Variants in ADCY7 observed in about 807,000 individuals in gnomAD.
ADCY7 encodes adenylate cyclase type 7.
A neutral mutation model predicts 120.6 loss-of-function variants in ADCY7; 72 were observed. The observed-to-expected ratio is 0.60, with a 90% CI of 0.49 to 0.73. The LOEUF (loss-of-function observed/expected upper bound fraction) is 0.73, where lower values mean the gene tolerates loss of function less well. Among genes scored for constraint, ADCY7 ranks in the 30% least tolerant of loss-of-function variants. The pLI is 0.00. For synonymous variants in ADCY7, 661 were observed against 628.0 expected, an observed-to-expected ratio of 1.05 and a Z score of -0.78; for missense variants, 1,227 against 1,486.0, an observed-to-expected ratio of 0.83 and a Z score of 2.87.
rs1234658835 is a variant in ADCY7 at position 50,300,574 on chromosome 16, A to G, written c.1077-141A>G. 1.1e-5 allele frequency: 11 copies of G among 1,021,600 alleles called. No individual in the cohort carries two copies. The East Asian group carries it at 2.9e-4, about 27-fold the overall frequency. 63.3% of individuals were successfully genotyped at this position (1,021,600 alleles called of 1,614,324 possible). On this transcript the variant is annotated intron_variant, in intron 8 of 25. Coordinates refer to ENST00000673801, the MANE Select transcript of ADCY7 (RefSeq NM_001114.5). Reference sequence around the variant, plus strand: ...CAGCTCTTCCTGAAGAGGCAGCCCCATCAGGCTGAGAACATTCTCTCCCGT... The same window carrying G: ...CAGCTCTTCCTGAAGAGGCAGCCCCGTCAGGCTGAGAACATTCTCTCCCGT...
Position 50,317,939 on chromosome 16 carries a change from CT to C in ADCY7, c.*2435del, listed in dbSNP as rs1472258426. Reference sequence around the variant, plus strand: ...AAACAGAAGAGAAGATCATTAACCACTGTATACTTTGTGTATATAATAGGTC... The same window carrying C: ...AAACAGAAGAGAAGATCATTAACCACGTATACTTTGTGTATATAATAGGTC... On this transcript the variant is annotated 3_prime_UTR_variant, in exon 26 of 26. Transcript: ENST00000673801. 2 of 152,268 alleles carry C rather than the reference CT, an allele frequency of 1.3e-5. No individual in the cohort carries two copies. The highest frequency in any genetic ancestry group is 3.7e-4 in the East Asian group (2 of 5,336). 9.4% of individuals were successfully genotyped at this position (152,268 alleles called of 1,614,324 possible).
chr16:50,264,042 T>C (rs1021921621), upstream of ADCY7, among the ~76,000 whole-genome samples: 3 of 152,134 alleles, frequency 2.0e-5, no homozygotes, highest in African/African-American at 7.2e-5. Context: ...GTAATGAGTG[T>C]ACTTAGGCAC....
intron 10 of ADCY7, among the ~76,000 whole-genome samples, chr16:50,303,023 G>A (rs2035834161): frequency 6.6e-6 from 1 of 152,246 alleles, no homozygotes; most frequent in Non-Finnish European, 1.5e-5. Context: ...CCCATTCCGA[G>A]TAGGCATGTG....
At chr16:50,270,599 G>A (rs1344503535) in intron 1 of ADCY7, among the ~76,000 whole-genome samples, 1 of 152,208 alleles carries the variant, frequency 6.6e-6, no homozygotes, top group Non-Finnish European at 1.5e-5. Context: ...GGTGTCGTGA[G>A]GCTCTCGTCT....
rs150230499 is a variant in ADCY7, at chr16:50,306,165, G to A, written c.1752+316G>A. Among the ~76,000 whole-genome samples, 728 of 152,310 alleles carry A rather than the reference G, an allele frequency of 4.8e-3. 9 individuals are homozygous for A. The highest frequency in any genetic ancestry group is 0.016 in the African/African-American group (685 of 41,552). ...ATGGATGCCTCAGGCTGATGGCACC[G>A]GCCTTGCAATGAGACGAGAACCCAA... On this transcript the variant is annotated intron_variant, in intron 14 of 25. Coordinates refer to ENST00000673801, the MANE Select transcript of ADCY7 (RefSeq NM_001114.5).
intron 1 of ADCY7, among the ~76,000 whole-genome samples, chr16:50,281,135 C>A (rs2034236054): frequency 6.6e-6 from 1 of 152,226 alleles, no homozygotes; most frequent in Non-Finnish European, 1.5e-5. Flanking sequence ...TCTGACCCTG[C>A]AGGGCTTCCT....
At chr16:50,267,169 G>A (rs1199288616) in intron 1 of ADCY7, among the ~76,000 whole-genome samples, 1 of 152,230 alleles carries the variant, frequency 6.6e-6, no homozygotes, top group Admixed American at 6.5e-5. Flanking sequence ...AGGAAACCAA[G>A]ATGCCTCCAA....
chr16:50,254,099 G>T lies in ADCY7; in HGVS notation c.-64+7896G>T, dbSNP rs2032841356. 2.0e-5 allele frequency among the ~76,000 whole-genome samples: 3 copies of T among 152,268 alleles called. No homozygotes were observed. The South Asian group carries it at 6.2e-4, about 32-fold the overall frequency. On this transcript the variant is annotated intron_variant, in intron 1 of 4. Coordinates refer to the ADCY7 transcript ENST00000564044. ...CCACATGATCCTCATCTGTAGGAAG[G>T]GGCTAAAAACGACCCCTTCGCTGTG...
Position 50,288,305 on chromosome 16 carries a change from C to T in ADCY7, c.126C>T (p.Ala42=), listed in dbSNP as rs144769944. ...TGCTGCTCACGCTCCTGCTGGTGGCCGCCACTGCCTGCGTGGCCCTCATCA... is the reference window on the plus strand; with the variant it reads ...TGCTGCTCACGCTCCTGCTGGTGGCTGCCACTGCCTGCGTGGCCCTCATCA... ...GPLLLTLLLV[A]ATACVALIII... is the part of the protein sequence containing the mutation. Residue 42 remains alanine, a synonymous_variant, in exon 2 of 26, where the codon GCC becomes GCT. Coordinates refer to ENST00000673801, the MANE Select transcript of ADCY7 (RefSeq NM_001114.5). The T allele has an allele frequency of 3.6e-5, 56 of 1,550,868 alleles. No homozygotes were observed. The highest frequency in any genetic ancestry group is 8.2e-5 in the African/African-American group (6 of 73,172).
chr16:50,308,558 T>C, intron 16 of ADCY7, 109 bp from the exon 17 acceptor site: 1 of 1,549,194 alleles, frequency 6.5e-7, no homozygotes, highest in Middle Eastern at 2.3e-4. Flanking sequence ...GACAATTTCC[T>C]GAGTGCCCTG....
chr16:50,266,063 G>A (rs987078643), upstream of ADCY7, among the ~76,000 whole-genome samples: 2 of 152,214 alleles, frequency 1.3e-5, no homozygotes, highest in African/African-American at 4.8e-5. Flanking sequence ...AGGTGAGATG[G>A]AGAGGCAGTG....
At chr16:50,280,419 G>GT (rs1315394524) in intron 1 of ADCY7, among the ~76,000 whole-genome samples, 1 of 149,594 alleles carries the variant, frequency 6.7e-6, no homozygotes, top group Non-Finnish European at 1.5e-5. Flanking sequence ...CTTTTGAATG[G>GT]TTTTTTGTGT....
At chr16:50,255,731 C>T (rs560958850) in intron 1 of ADCY7, among the ~76,000 whole-genome samples, 2 of 152,252 alleles carry the variant, frequency 1.3e-5, no homozygotes, top group East Asian at 3.9e-4. Context: ...AGCTCAAGGG[C>T]TCTGCCTGCC....
chr16:50,262,014 T>G (rs998856496), upstream of ADCY7, among the ~76,000 whole-genome samples: 4 of 152,170 alleles, frequency 2.6e-5, no homozygotes, highest in African/African-American at 9.7e-5. Context: ...CTTCCCCCAG[T>G]AAGGGCTCGA....
In ADCY7 at chr16:50,315,740, C is replaced by CA. The variant is rs777255583; in HGVS notation, c.*236dup. 2.2e-5 allele frequency: 10 copies of CA among 463,308 alleles called. No individual in the cohort carries two copies. Among genetic ancestry groups the CA allele is most frequent in the Non-Finnish European group, 3.5e-5 (9 of 258,778 alleles). The allele number at this position is 463,308 out of a possible 1,614,324, so 28.7% of individuals were successfully genotyped here. Reference sequence around the variant, plus strand: ...CAGAAGCTCTGTGCCTGGTCTGTAACAGTTTCCAGGCCAGCTGGAGAATGT... The same window carrying CA: ...CAGAAGCTCTGTGCCTGGTCTGTAACAAGTTTCCAGGCCAGCTGGAGAATGT... On this transcript the variant is annotated 3_prime_UTR_variant, in exon 26 of 26. Transcript: ENST00000673801.
chr16:50,251,971 G>T (rs1235238111), intron 1 of ADCY7, among the ~76,000 whole-genome samples: 1 of 152,224 alleles, frequency 6.6e-6, no homozygotes, highest in African/African-American at 2.4e-5. Context: ...GGAGGAAGAG[G>T]AGCTGAAGCT....
At position 50,288,301 on chromosome 16, in the gene ADCY7, T is replaced by A. The variant is rs1340439212; in HGVS notation, c.122T>A (p.Val41Glu). The A allele has an allele frequency of 2.6e-6, 4 of 1,550,792 alleles. No individual in the cohort carries two copies. In the Admixed American group the frequency reaches 7.8e-5, roughly 30 times the overall value. ...HGPLLLTLLLVAATACVALII... is the reference protein window; with the variant it reads ...HGPLLLTLLLEAATACVALII... ...CCGCTGCTGCTCACGCTCCTGCTGG[T>A]GGCCGCCACTGCCTGCGTGGCCCTC... The change falls in exon 2 of 26, where the codon GTG becomes GAG. Residue 41 changes from valine to glutamate, a missense_variant. Val to Glu is a moderately radical substitution (Grantham distance 121). This residue lies in a region of ADCY7 where 382 missense variants were observed against 411.4 expected (regional missense o/e 0.93). Coordinates refer to ENST00000673801, the MANE Select transcript of ADCY7 (RefSeq NM_001114.5).
chr16:50,266,153 A>G (rs186902886), upstream of ADCY7, among the ~76,000 whole-genome samples: 966 of 152,166 alleles, frequency 6.3e-3, 14 homozygotes, highest in African/African-American at 0.023. Flanking sequence ...AGATAGGGAA[A>G]TTGAGTCCCA....
intron 1 of ADCY7, among the ~76,000 whole-genome samples, chr16:50,271,752 A>G (rs1372403830): frequency 3.3e-5 from 5 of 152,002 alleles, no homozygotes; most frequent in Admixed American, 1.3e-4. Flanking sequence ...GTTCTCCCCA[A>G]CTGCTGCTTG....
Sources: allele counts gnomAD v4.1 joint callset (sites outside exome capture counted in the v4.1 genomes callset), GRCh38; gene constraint gnomAD v4.1.1; regional missense constraint gnomAD v4.1.1; transcripts MANE v1.5; gene names NCBI Gene and HGNC (gene_info 2026-07-23, HGNC 2026-07-21).